Variants in SLC22A9 observed in about 807,000 individuals in gnomAD.
SLC22A9 encodes organic anion transporter 7.
Under a neutral mutation model 50.1 loss-of-function variants are expected in SLC22A9, and 64 were observed. The observed-to-expected ratio is 1.28, with a 90% confidence interval of 1.04 to 1.57. SLC22A9 has a LOEUF of 1.57. SLC22A9 is among the 40% of genes most tolerant of loss of function. SLC22A9 has a pLI of 0.00. For missense variants in SLC22A9, 757 were observed against 676.1 expected, an observed-to-expected ratio of 1.12 and a Z score of -1.33; for synonymous variants, 261 against 242.5, an observed-to-expected ratio of 1.08 and a Z score of -0.71.
chr11:63,380,102 A>G (rs771692779), intron 5 of SLC22A9, among the ~76,000 whole-genome samples: 1 of 152,170 alleles, frequency 6.6e-6, no homozygotes, highest in Non-Finnish European at 1.5e-5. Context: ...CAACATCACT[A>G]ATCATTAGAT....
intron 6 of SLC22A9, among the ~76,000 whole-genome samples, chr11:63,403,292 A>G (rs1298050308): frequency 6.6e-6 from 1 of 152,064 alleles, no homozygotes; most frequent in African/African-American, 2.4e-5. Context: ...TTCTGCAGAA[A>G]CCTTGTAGGC....
At chr11:63,405,208 G>T (rs1352757685) in intron 6 of SLC22A9, among the ~76,000 whole-genome samples, 1 of 152,124 alleles carries the variant, frequency 6.6e-6, no homozygotes, top group East Asian at 1.9e-4. Context: ...CTTAAAGTTT[G>T]CAGGTAAATG....
chr11:63,406,346 CT>C (rs2015036978), intron 6 of SLC22A9, 150 bp from the exon 7 acceptor site: 3 of 662,666 alleles, frequency 4.5e-6, no homozygotes, highest in African/African-American at 1.8e-5. Context: ...TAATAGATTT[CT>C]TTAAATCACG....
chr11:63,401,305 C>T (rs604285), intron 6 of SLC22A9, among the ~76,000 whole-genome samples: 57,128 of 151,840 alleles, frequency 0.38, 13,586 homozygotes, highest in East Asian at 0.68. Flanking sequence ...TCAGTAAAGT[C>T]GCAGGATACA....
At chr11:63,370,981 C>A (rs375916900) in intron 1 of SLC22A9, among the ~76,000 whole-genome samples, 154 bp from the exon 2 acceptor site, 2 of 152,072 alleles carry the variant, frequency 1.3e-5, no homozygotes, top group Non-Finnish European at 2.9e-5. Flanking sequence ...TAAGTTGAGA[C>A]CTGAATAACA....
intron 4 of SLC22A9, 124 bp downstream of exon 4, chr11:63,374,186 T>C (rs1039039343): frequency 1.2e-6 from 1 of 859,414 alleles, no homozygotes; most frequent in African/African-American, 1.7e-5. Context: ...TCATAATCTG[T>C]GCTTGATGTG....
In SLC22A9 at chr11:63,385,106, G is replaced by GTTTTT. The variant is rs149124193; in HGVS notation, c.1073+2846_1073+2850dup. Among the ~76,000 whole-genome samples, 172 of 76,514 alleles carry GTTTTT rather than the reference G, an allele frequency of 2.2e-3. 8 individuals are homozygous for GTTTTT. The highest frequency in any genetic ancestry group is 5.0e-3 in the East Asian group (12 of 2,388). 50.2% of individuals were successfully genotyped at this position (76,514 alleles called of 152,430 possible). On this transcript the variant is annotated intron_variant, in intron 6 of 9. Transcript: ENST00000279178. ...CTTGCCTGTTCACTCTGATGATACA[G>GTTTTT]TTTTTTTTTTTTTTTTTTTTTGCTG...
In SLC22A9 at chr11:63,407,852, TG is replaced by T. The variant is rs2015066592; in HGVS notation, c.1289-259del. 2.6e-5 allele frequency among the ~76,000 whole-genome samples: 4 copies of T among 152,204 alleles called. No homozygotes were observed. The South Asian group carries it at 8.3e-4, about 32-fold the overall frequency. On this transcript the variant is annotated intron_variant, in intron 7 of 9. Transcript: ENST00000279178. ...CAGCTCAACTTACACGCCTCTCTCT[TG>T]CTATGGCATATCTCTGATATATAGT...
intron 6 of SLC22A9, among the ~76,000 whole-genome samples, chr11:63,392,876 G>C (rs1046976192): frequency 6.6e-6 from 1 of 151,916 alleles, no homozygotes; most frequent in Non-Finnish European, 1.5e-5. Flanking sequence ...CCTCAATAAG[G>C]GTTGCTTCAC....
At chr11:63,372,925 A>G (rs2014388059) in intron 2 of SLC22A9, among the ~76,000 whole-genome samples, 1 of 152,034 alleles carries the variant, frequency 6.6e-6, no homozygotes, top group Admixed American at 6.6e-5. Context: ...GCAAGGTGGA[A>G]TAGTTCAAAT....
intron 6 of SLC22A9, among the ~76,000 whole-genome samples, chr11:63,401,129 T>C (rs60168208): frequency 0.035 from 5,269 of 151,952 alleles, 277 homozygotes; most frequent in African/African-American, 0.12. Context: ...TTTTACTCAA[T>C]ACAGTAGTGG....
Position 63,382,214 on chromosome 11 carries a change from C to T in SLC22A9, c.1010C>T (p.Ser337Phe). 6.2e-7 allele frequency: 1 copy of T among 1,608,566 alleles called. No homozygotes were observed. Among genetic ancestry groups the T allele is most frequent in the Non-Finnish European group, 8.5e-7 (1 of 1,178,342 alleles). The change falls in exon 6 of 10, where the codon TCT (serine) becomes TTT (phenylalanine). Residue 337 changes from serine (S) to phenylalanine (F), a missense_variant. By Grantham distance (155) the Ser-to-Phe change is radical (BLOSUM62 -2). Transcript: ENST00000279178. Reference protein sequence around the residue: ...ELEAAQKKKPSLCEMLHMPNI... With the variant: ...ELEAAQKKKPFLCEMLHMPNI... ...GAGGCAGCACAAAAAAAAAAACCTT[C>T]TCTGTGTGAAATGCTCCACATGCCC...
intron 6 of SLC22A9, among the ~76,000 whole-genome samples, chr11:63,398,447 A>G (rs1192252706): frequency 1.3e-5 from 2 of 151,952 alleles, no homozygotes; most frequent in Non-Finnish European, 2.9e-5. Context: ...TTTATTTAAG[A>G]CCCCATAGAC....
At position 63,410,257 on chromosome 11, in the gene SLC22A9, A is replaced by AAAAAAAAAAAGGAAAG; in HGVS notation, c.*398_*399insAAAAAAAGGAAAGAAA. On this transcript the variant is annotated 3_prime_UTR_variant, in exon 10 of 10. Transcript: ENST00000279178. Reference sequence around the variant, plus strand: ...CTGTCTCAAAAAAAAAAAAAAAAAAAAAAGAAAGAAGGAAAGAAAGAAAGA... The same window carrying AAAAAAAAAAAGGAAAG: ...CTGTCTCAAAAAAAAAAAAAAAAAAAAAAAAAAAAAGGAAAGAAAGAAAGAAGGAAAGAAAGAAAGA... 3.7e-5 allele frequency: 4 copies of AAAAAAAAAAAGGAAAG among 108,482 alleles called. No individual in the cohort carries two copies. The highest frequency in any genetic ancestry group is 4.4e-3 in the Middle Eastern group (1 of 228). 6.7% of individuals were successfully genotyped at this position (108,482 alleles called of 1,614,324 possible).
chr11:63,377,954 A>G (rs1240215511), intron 5 of SLC22A9, among the ~76,000 whole-genome samples: 10 of 152,242 alleles, frequency 6.6e-5, no homozygotes, highest in African/African-American at 2.4e-4. Context: ...CCTGGAAGAA[A>G]TAGATAATTC....
At chr11:63,372,437 C>T (rs753144106) in intron 2 of SLC22A9, among the ~76,000 whole-genome samples, 5 of 152,080 alleles carry the variant, frequency 3.3e-5, no homozygotes, top group Admixed American at 1.3e-4. Flanking sequence ...GGTGAATTAA[C>T]ATCAAAACCA....
intron 6 of SLC22A9, 31 bp from the exon 7 acceptor site, chr11:63,406,463 TATA>T (rs767635950): frequency 1.3e-6 from 2 of 1,580,644 alleles, no homozygotes; most frequent in Admixed American, 1.7e-5. Flanking sequence ...CTCCACAGAT[TATA>T]ATATGTTTCT....
intron 6 of SLC22A9, among the ~76,000 whole-genome samples, chr11:63,405,767 A>G (rs2015026372): frequency 6.6e-6 from 1 of 152,164 alleles, no homozygotes; most frequent in Non-Finnish European, 1.5e-5. Flanking sequence ...CCCTCAGGAT[A>G]GTGAATTGTC....
chr11:63,393,584 A>C (rs995150523), intron 6 of SLC22A9, among the ~76,000 whole-genome samples: 2 of 152,020 alleles, frequency 1.3e-5, no homozygotes, highest in Admixed American at 1.3e-4. Flanking sequence ...CTTTTATTAC[A>C]TTGATGTATG....
Sources: gnomAD v4.1 joint callset for allele counts (sites outside exome capture counted in the v4.1 genomes callset) on GRCh38, gnomAD v4.1.1 for gene constraint, MANE v1.5 for transcripts, NCBI Gene and HGNC (gene_info 2026-07-23, HGNC 2026-07-21) for gene names.